The following HACD2 variants were observed in gnomAD, a reference collection of about 807,000 sequenced individuals.
HACD2 encodes 3-hydroxyacyl-CoA dehydratase 2.
Under a neutral mutation model 31.0 loss-of-function variants are expected in HACD2, and 15 were observed. That is an observed-to-expected ratio of 0.48 (90% CI 0.32 to 0.75). HACD2 has a LOEUF of 0.75. Ranked by LOEUF, HACD2 falls within the 30% of genes least tolerant of loss-of-function variation. The pLI is 0.03. For synonymous variants in HACD2, 115 were observed against 122.2 expected, an observed-to-expected ratio of 0.94 and a Z score of 0.39; for missense variants, 283 against 313.0, an observed-to-expected ratio of 0.90 and a Z score of 0.72.
At chr3:123,565,336 A>G (rs1020214373) in intron 3 of HACD2, among the ~76,000 whole-genome samples, 5 of 152,144 alleles carry the variant, frequency 3.3e-5, no homozygotes, top group African/African-American at 1.2e-4. Flanking sequence ...CAAAATTCCT[A>G]TGTTGAAACC....
At chr3:123,537,629 A>G (rs1437395918) in intron 3 of HACD2, among the ~76,000 whole-genome samples, 1 of 150,646 alleles carries the variant, frequency 6.6e-6, no homozygotes, top group Non-Finnish European at 1.5e-5. Context: ...AAAGTTTTAA[A>G]ATTTTTTTTT....
chr3:123,542,835 GAAGAT>G (rs1688504086), intron 3 of HACD2, among the ~76,000 whole-genome samples: 1 of 152,240 alleles, frequency 6.6e-6, no homozygotes, highest in Non-Finnish European at 1.5e-5. Flanking sequence ...AAAGGACTCA[GAAGAT>G]AATCTGAAGA....
At position 123,494,710 on chromosome 3, in the gene HACD2, T is replaced by A; in HGVS notation, c.*178A>T. The A allele has an allele frequency of 1.6e-6, 1 of 625,578 alleles. No individual in the cohort carries two copies. Among genetic ancestry groups the A allele is most frequent in the Middle Eastern group, 4.2e-4 (1 of 2,362 alleles). 38.8% of individuals were successfully genotyped at this position (625,578 alleles called of 1,614,324 possible). ...GGCCAGGGTGTTTTATGTAACAACC[T>A]TTTTCTAAAATAAAATCTCAGGCCC... On this transcript the variant is annotated 3_prime_UTR_variant, in exon 7 of 7. Transcript: ENST00000383657.
intron 2 of HACD2, among the ~76,000 whole-genome samples, chr3:123,579,999 T>C (rs73200058): frequency 0.037 from 5,698 of 152,112 alleles, 125 homozygotes; most frequent in Middle Eastern, 0.11. Context: ...GGGAAAACTA[T>C]TATACTTAAA....
At chr3:123,565,587 A>T (rs938401274) in intron 3 of HACD2, among the ~76,000 whole-genome samples, 1 of 152,184 alleles carries the variant, frequency 6.6e-6, no homozygotes, top group Admixed American at 6.5e-5. Flanking sequence ...TGAAAAATAA[A>T]TTTTTGTTAT....
chr3:123,519,185 C>T (rs1320180616), intron 4 of HACD2, among the ~76,000 whole-genome samples: 1 of 151,994 alleles, frequency 6.6e-6, no homozygotes. Context: ...GTGTAACAAG[C>T]CTAATAATTA....
intron 4 of HACD2, among the ~76,000 whole-genome samples, chr3:123,527,883 T>C (rs1440043070): frequency 6.6e-6 from 1 of 152,198 alleles, no homozygotes; most frequent in African/African-American, 2.4e-5. Flanking sequence ...TCGGGTTGTG[T>C]GCTAGCCGCT....
chr3:123,508,303 G>A (rs930239047), intron 4 of HACD2, among the ~76,000 whole-genome samples: 1 of 152,208 alleles, frequency 6.6e-6, no homozygotes, highest in African/African-American at 2.4e-5. Context: ...TGCTGCAGAC[G>A]GAAGGTTTCC....
At chr3:123,520,851 T>A (rs1031259123) in intron 4 of HACD2, among the ~76,000 whole-genome samples, 1 of 152,196 alleles carries the variant, frequency 6.6e-6, no homozygotes, top group Non-Finnish European at 1.5e-5. Flanking sequence ...TGATCACATA[T>A]AACTAAAGTT....
intron 3 of HACD2, among the ~76,000 whole-genome samples, chr3:123,562,163 A>C (rs1366865807): frequency 6.6e-6 from 1 of 152,228 alleles, no homozygotes; most frequent in Non-Finnish European, 1.5e-5. Context: ...TAAATATAAA[A>C]GCTTTGCAAA....
At chr3:123,554,815 C>CTTT (rs1332071963) in intron 3 of HACD2, among the ~76,000 whole-genome samples, 1 of 150,736 alleles carries the variant, frequency 6.6e-6, no homozygotes, top group Non-Finnish European at 1.5e-5. Flanking sequence ...GATTTTGATT[C>CTTT]CGATAAAGTA....
intron 4 of HACD2, among the ~76,000 whole-genome samples, chr3:123,511,701 A>G (rs944792128): frequency 6.6e-6 from 1 of 152,236 alleles, no homozygotes; most frequent in African/African-American, 2.4e-5. Flanking sequence ...AAAACACAAC[A>G]TAAGAACTTG....
chr3:123,544,231 G>A (rs976714349), intron 3 of HACD2, among the ~76,000 whole-genome samples: 1 of 152,134 alleles, frequency 6.6e-6, no homozygotes, highest in East Asian at 1.9e-4. Flanking sequence ...AGTGAAGCTT[G>A]TCAAAGTACT....
At chr3:123,559,198 A>G (rs2056701747) in intron 3 of HACD2, among the ~76,000 whole-genome samples, 2 of 152,176 alleles carry the variant, frequency 1.3e-5, no homozygotes, top group African/African-American at 4.8e-5. Flanking sequence ...AGTCATCCCG[A>G]AGCCCTATAA....
In HACD2 at chr3:123,493,884, G is replaced by T. The variant is rs2107674139; in HGVS notation, c.*1004C>A. The stretch of plus-strand genomic sequence containing the variant: ...AAAGTATCCAAACAGAAGAGTGAAT[G>T]AAAATTTAAAAATAAAACAATAATG... On this transcript the variant is annotated 3_prime_UTR_variant, in exon 7 of 7. Coordinates refer to ENST00000383657, the MANE Select transcript of HACD2 (RefSeq NM_198402.5). 6.6e-6 allele frequency: 1 copy of T among 152,284 alleles called. No individual in the cohort carries two copies. Among genetic ancestry groups the T allele is most frequent in the South Asian group, 2.1e-4 (1 of 4,816 alleles). The allele number at this position is 152,284 out of a possible 1,614,324, so 9.4% of individuals were successfully genotyped here.
chr3:123,503,734 C>A (rs956247231), intron 4 of HACD2, among the ~76,000 whole-genome samples: 1 of 149,558 alleles, frequency 6.7e-6, no homozygotes, highest in African/African-American at 2.5e-5. Flanking sequence ...AAAGACCGTC[C>A]AAGAGTGGGA....
chr3:123,554,646 C>T (rs145303809), intron 3 of HACD2, among the ~76,000 whole-genome samples: 6 of 152,198 alleles, frequency 3.9e-5, no homozygotes, highest in East Asian at 1.9e-4. Context: ...AAACTATGAA[C>T]GAGCTTAACT....
intron 4 of HACD2, among the ~76,000 whole-genome samples, 174 bp downstream of exon 4, chr3:123,528,210 GAT>G (rs1340840334): frequency 6.6e-6 from 1 of 152,158 alleles, no homozygotes; most frequent in African/African-American, 2.4e-5. Context: ...GCATATCTGG[GAT>G]ATGTTTCCCA....
intron 4 of HACD2, among the ~76,000 whole-genome samples, chr3:123,508,040 T>C (rs1002991807): frequency 3.9e-5 from 6 of 152,082 alleles, no homozygotes; most frequent in Non-Finnish European, 7.4e-5. Flanking sequence ...ATACATATTA[T>C]TGCCTTTTAA....
Sources: allele counts gnomAD v4.1 joint callset (sites outside exome capture counted in the v4.1 genomes callset), GRCh38; gene constraint gnomAD v4.1.1; transcripts MANE v1.5; gene names NCBI Gene and HGNC (gene_info 2026-07-23, HGNC 2026-07-21).